MYH13: variants seen among roughly 807,000 people sequenced by gnomAD.
MYH13 encodes myosin-13.
Under a neutral mutation model 232.1 loss-of-function variants are expected in MYH13, and 177 were observed. That is an observed-to-expected ratio of 0.76 (90% confidence interval 0.67 to 0.86). The LOEUF is 0.86. Ranked by LOEUF, MYH13 falls within the 40% of genes least tolerant of loss-of-function variation. The pLI, the probability that MYH13 is intolerant of heterozygous loss-of-function variation, is 0.00. For missense variants in MYH13, 2,246 were observed against 2,405.9 expected, an observed-to-expected ratio of 0.93 and a Z score of 1.39; for synonymous variants, 884 against 923.5, an observed-to-expected ratio of 0.96 and a Z score of 0.78.
intron 39 of MYH13, 27 bp from the exon 40 acceptor site, chr17:10,301,730 C>G (rs62060457): frequency 0.27 from 433,277 of 1,609,860 alleles, 60,312 homozygotes; most frequent in Admixed American, 0.4. Context: ...GGGGGTATGA[C>G]GCTGTAGAGC....
At chr17:10,338,332 C>A (rs1322011645) in intron 18 of MYH13, among the ~76,000 whole-genome samples, 1 of 83,144 alleles carries the variant, frequency 1.2e-5, no homozygotes, top group East Asian at 5.0e-4. Flanking sequence ...CTGCAGGATG[C>A]CCCAGATAAT....
chr17:10,328,203 T>A, intron 21 of MYH13, 82 bp from the exon 22 acceptor site: 1 of 1,501,386 alleles, frequency 6.7e-7, no homozygotes, highest in South Asian at 1.2e-5. Context: ...ACGGACCCCA[T>A]CCTCCGTCTT....
rs550310783 is a variant in MYH13 at position 10,309,256 on chromosome 17, C to T, written c.5147G>A (p.Arg1716His). 1.2e-5 allele frequency: 19 copies of T among 1,613,484 alleles called. No homozygotes were observed. The East Asian group carries it at 1.8e-4, about 15-fold the overall frequency. Residue 1716 changes from arginine to histidine, a missense_variant, in exon 35 of 41, where the codon CGC becomes CAC. Physicochemically the swap from Arg to His is conservative, Grantham distance 29 (BLOSUM62 0). Coordinates refer to ENST00000252172, the MANE Select transcript of MYH13 (RefSeq NM_003802.3). ...CACCTGGGAGTGCAGGAGCTGCACG[C>T]GGTCGCTGGCGTCCAGCAGCTCCTG... is the stretch of plus-strand genomic sequence containing the variant. The part of the protein sequence containing the change: ...SEQELLDASD[R>H]VQLLHSQNTS...
In MYH13 at chr17:10,304,128, GC is replaced by G. The variant is rs1906197496; in HGVS notation, c.5467-631del. ...ACTGGGACCTGTCAGGGGGCAGGGG[GC>G]TAGGGGAGGGATAGCATTAGGAGTA... On this transcript the variant is annotated intron_variant, in intron 37 of 40. Transcript: ENST00000252172. This position sits in a 1 kb window ranked among gnomAD's most constrained non-coding sequence, Gnocchi z 5.3. Among the ~76,000 whole-genome samples, 1 of 152,178 alleles carries G rather than the reference GC, an allele frequency of 6.6e-6. No individual in the cohort carries two copies. The highest frequency in any genetic ancestry group is 2.1e-4 in the South Asian group (1 of 4,828).
chr17:10,339,805 T>C (rs536103703), intron 18 of MYH13, among the ~76,000 whole-genome samples: 3 of 152,354 alleles, frequency 2.0e-5, no homozygotes, highest in African/African-American at 7.2e-5. Context: ...TAACTGAAAT[T>C]GAAATTTAAT....
Position 10,356,983 on chromosome 17 carries a change from C to T in MYH13, c.738+752G>A, listed in dbSNP as rs117566100. ...CAATATTTTTTTCTTTTTTTTGAGA[C>T]AGAGTTGCCCTCTGTTGCCCAGGCT... On this transcript the variant is annotated intron_variant, in intron 8 of 40. Coordinates refer to ENST00000252172, the MANE Select transcript of MYH13 (RefSeq NM_003802.3). 2.7e-3 allele frequency among the ~76,000 whole-genome samples: 412 copies of T among 152,066 alleles called. 2 individuals are homozygous for T. Among genetic ancestry groups the T allele is most frequent in the Middle Eastern group, 0.02 (6 of 294 alleles).
chr17:10,350,222 G>A (rs189276786), intron 12 of MYH13, among the ~76,000 whole-genome samples: 1 of 152,258 alleles, frequency 6.6e-6, no homozygotes, highest in Admixed American at 6.5e-5. Context: ...CATTCTGGTG[G>A]AGAGAAGAGA....
At chr17:10,343,400 G>T (rs1330407098) in intron 16 of MYH13, among the ~76,000 whole-genome samples, 1 of 152,156 alleles carries the variant, frequency 6.6e-6, no homozygotes, top group Non-Finnish European at 1.5e-5. Context: ...GTTTCACCAT[G>T]TTGGCCAGGC....
chr17:10,346,093 G>C (rs1409103819), intron 13 of MYH13, among the ~76,000 whole-genome samples: 1 of 151,846 alleles, frequency 6.6e-6, no homozygotes, highest in Non-Finnish European at 1.5e-5. Flanking sequence ...TATTTTATGA[G>C]GTGTTTGCCC....
chr17:10,327,839 T>A (rs1270689035), intron 22 of MYH13, 27 bp downstream of exon 22: 12 of 1,599,342 alleles, frequency 7.5e-6, no homozygotes, highest in Non-Finnish European at 1.0e-5. Context: ...AGTCTGTGTT[T>A]TGCGTTCTCA....
At chr17:10,302,280 G>A (rs1341003372) in intron 39 of MYH13, among the ~76,000 whole-genome samples, 2 of 152,264 alleles carry the variant, frequency 1.3e-5, no homozygotes, top group East Asian at 1.9e-4. Context: ...CTCCAGGGAA[G>A]GGAGGAAAAA....
Position 10,308,815 on chromosome 17 carries a change from G to C in MYH13, c.5169+419C>G, listed in dbSNP as rs967917165. Among the ~76,000 whole-genome samples, 5 of 152,066 alleles carry C rather than the reference G, an allele frequency of 3.3e-5. No individual in the cohort carries two copies. The East Asian group carries it at 9.7e-4, about 29-fold the overall frequency. ...TAGTTCATTGCAGCTTCAACTCCTG[G>C]GCTAAAGCAAACCTCCCACCTTGGC... is the stretch of plus-strand genomic sequence containing the variant. On this transcript the variant is annotated intron_variant, in intron 35 of 40. Coordinates refer to ENST00000252172, the MANE Select transcript of MYH13 (RefSeq NM_003802.3).
At chr17:10,372,183 C>T (rs1459638951) in intron 1 of MYH13, among the ~76,000 whole-genome samples, 2 of 152,160 alleles carry the variant, frequency 1.3e-5, no homozygotes, top group African/African-American at 4.8e-5. Context: ...GTATTACATA[C>T]TATATTCTGA....
rs967155559 is a variant in MYH13 at position 10,304,866 on chromosome 17, A to G, written c.5467-1368T>C. ...CAGCCACTGAGGACATAAGTCACCA[A>G]CTGTGGTCCCAACTCCACAATCCAG... On this transcript the variant is annotated intron_variant, in intron 37 of 40. Transcript: ENST00000252172. The surrounding 1 kb of genome is among the most constrained non-coding windows in gnomAD (Gnocchi z 5.3). 1.3e-5 allele frequency among the ~76,000 whole-genome samples: 2 copies of G among 152,206 alleles called. No individual in the cohort carries two copies.
Position 10,350,574 on chromosome 17 carries a change from C to T in MYH13, c.1126G>A (p.Glu376Lys), listed in dbSNP as rs1223964919. ...FKQKQREEQAEPDGTEVADKA... is the reference protein window; with the variant it reads ...FKQKQREEQAKPDGTEVADKA... ...CAGTTACCTTCGGTGCCGTCTGGCT[C>T]CGCCTGCTCCTCACGCTGCTTCTGC... Residue 376 changes from glutamate (E) to lysine (K), a missense_variant, in exon 12 of 41, where the codon GAG becomes AAG. By Grantham distance (56) the Glu-to-Lys change is moderately conservative. Coordinates refer to ENST00000252172, the MANE Select transcript of MYH13 (RefSeq NM_003802.3). 9.3e-6 allele frequency: 15 copies of T among 1,613,126 alleles called. No homozygotes were observed. The highest frequency in any genetic ancestry group is 1.3e-5 in the Non-Finnish European group (15 of 1,179,926).
Position 10,328,068 on chromosome 17 carries a change from T to TGCTTG in MYH13, c.2484_2488dup (p.His830ProfsTer7). The TGCTTG allele has an allele frequency of 6.2e-7, 1 of 1,614,152 alleles. No homozygotes were observed. Among genetic ancestry groups the TGCTTG allele is most frequent in the Non-Finnish European group, 8.5e-7 (1 of 1,180,020 alleles). ...GAAGAACAGGTTCATCCAGGGCCAG[T>TGCTTG]GCTTGACGTTCATAAAAGAGCGGAT... On this transcript the variant is annotated frameshift_variant, in exon 22 of 41. Transcript: ENST00000252172. LOFTEE classifies it high-confidence loss of function.
chr17:10,313,847 C>A (rs1047552178), intron 29 of MYH13, among the ~76,000 whole-genome samples: 1 of 152,176 alleles, frequency 6.6e-6, no homozygotes, highest in African/African-American at 2.4e-5. Context: ...AATGCTGTGA[C>A]CAGGAGAAGC....
At position 10,362,415 on chromosome 17, in the gene MYH13, T is replaced by C. The variant is rs1401937312; in HGVS notation, c.293A>G (p.His98Arg). The change falls in exon 4 of 41, where the codon CAT becomes CGT. Residue 98 changes from histidine (H) to arginine (R), a missense_variant. Coordinates refer to ENST00000252172, the MANE Select transcript of MYH13 (RefSeq NM_003802.3). The part of the protein sequence containing the change: ...IEDMAMMTHL[H>R]EPAVLYNLKE... The stretch of plus-strand genomic sequence containing the variant: ...GAGGTTGTACAGAACAGCAGGTTCA[T>C]GCAGGTGAGTCATCATGGCCATGTC... The C allele has an allele frequency of 1.2e-6, 2 of 1,614,220 alleles. No individual in the cohort carries two copies. The highest frequency in any genetic ancestry group is 1.7e-5 in the Admixed American group (1 of 60,024).
chr17:10,306,926 G>C lies in MYH13; in HGVS notation c.5295+13C>G. On this transcript the variant is annotated intron_variant, in intron 36 of 40. Coordinates refer to ENST00000252172, the MANE Select transcript of MYH13 (RefSeq NM_003802.3). The surrounding 1 kb of genome is among the most constrained non-coding windows in gnomAD (Gnocchi z 4.3). ...TCCAAACCCCATCTCTGAAAAGGAAGAACAGAGCTCACATCCGTGATGGCC... is the reference window on the plus strand; with the variant it reads ...TCCAAACCCCATCTCTGAAAAGGAACAACAGAGCTCACATCCGTGATGGCC... 6.2e-7 allele frequency: 1 copy of C among 1,612,928 alleles called. No homozygotes were observed. The highest frequency in any genetic ancestry group is 1.1e-5 in the South Asian group (1 of 91,022).
Sources: gnomAD v4.1 joint callset for allele counts (sites outside exome capture counted in the v4.1 genomes callset) on GRCh38, gnomAD v4.1.1 for gene constraint, Gnocchi (gnomAD v3.1) non-coding constraint, MANE v1.5 for transcripts, NCBI Gene and HGNC (gene_info 2026-07-23, HGNC 2026-07-21) for gene names.